The following GPR39 variants were observed in gnomAD, a reference collection of about 807,000 sequenced individuals.
GPR39 encodes zinc sensing receptor.
In GPR39, 23 loss-of-function variants were observed where a neutral mutation model predicts 18.4. That is an observed-to-expected ratio of 1.25 (90% CI 0.90 to 1.77). The LOEUF (loss-of-function observed/expected upper bound fraction) is 1.77, where lower values mean the gene tolerates loss of function less well. Ranked by LOEUF, GPR39 falls within the 40% of genes most tolerant of loss-of-function variation. GPR39 has a pLI of 0.00. For synonymous variants in GPR39, 280 were observed against 257.9 expected (o/e 1.09, Z -0.82); for missense variants, 647 against 602.4 (o/e 1.07, Z -0.78).
chr2:132,566,536 G>A (rs1215222597), intron 1 of GPR39, among the ~76,000 whole-genome samples: 2 of 152,192 alleles, frequency 1.3e-5, no homozygotes, highest in African/African-American at 4.8e-5. Context: ...CATCTCTCTA[G>A]GAGTTTTGTC....
intron 1 of GPR39, among the ~76,000 whole-genome samples, chr2:132,490,587 A>T (rs1347109819): frequency 6.6e-6 from 1 of 151,960 alleles, no homozygotes; most frequent in African/African-American, 2.4e-5. Context: ...GAGCATGCCG[A>T]TCGCTGGTGA....
At chr2:132,539,487 G>C (rs1002618167) in intron 1 of GPR39, among the ~76,000 whole-genome samples, 1 of 152,196 alleles carries the variant, frequency 6.6e-6, no homozygotes, top group Non-Finnish European at 1.5e-5. Context: ...CTGCTTAGCT[G>C]TTTCTATTTG....
intron 1 of GPR39, among the ~76,000 whole-genome samples, chr2:132,581,008 A>C (rs1035541670): frequency 1.1e-4 from 16 of 151,624 alleles, no homozygotes; most frequent in Non-Finnish European, 1.0e-4. Flanking sequence ...CAACAAAAAA[A>C]CTGCAACACT....
At chr2:132,585,948 GTTT>G (rs397985921) in intron 1 of GPR39, among the ~76,000 whole-genome samples, 13 of 62,950 alleles carry the variant, frequency 2.1e-4, no homozygotes, top group East Asian at 7.1e-4. Context: ...AGCATCCCCG[GTTT>G]TTTTTTTTTT....
rs187436410 is a variant in GPR39, at chr2:132,605,419, C to T, written c.857-39682C>T. ...TGCGGCCCATTAGTCTGCTCAGTGG[C>T]CTGGTGCTTCTTGGCAAAGCCCAAA... On this transcript the variant is annotated intron_variant, in intron 1 of 1. Transcript: ENST00000329321. Among the ~76,000 whole-genome samples the T allele has an allele frequency of 9.2e-5, 14 of 151,952 alleles. No homozygotes were observed. The East Asian group carries it at 2.5e-3, about 27-fold the overall frequency.
At chr2:132,595,335 G>A (rs1680919254) in intron 1 of GPR39, among the ~76,000 whole-genome samples, 3 of 151,520 alleles carry the variant, frequency 2.0e-5, no homozygotes. Flanking sequence ...CTGGCCAGGT[G>A]GGCGGTAATA....
Position 132,571,466 on chromosome 2 carries a change from C to G in GPR39, c.857-73635C>G, listed in dbSNP as rs552481048. 7.9e-5 allele frequency among the ~76,000 whole-genome samples: 12 copies of G among 152,300 alleles called. No individual in the cohort carries two copies. In the South Asian group the frequency reaches 2.5e-3, roughly 32 times the overall value. The stretch of plus-strand genomic sequence containing the variant: ...GAAAATCAGGGGTTAAAAAACCCAT[C>G]TCAAGGTCCTAGAATGAAGATCTTT... On this transcript the variant is annotated intron_variant, in intron 1 of 1. Transcript: ENST00000329321.
chr2:132,584,246 A>G (rs536664056), intron 1 of GPR39, among the ~76,000 whole-genome samples: 2 of 152,166 alleles, frequency 1.3e-5, no homozygotes, highest in African/African-American at 4.8e-5. Context: ...GAGTGCTGCA[A>G]TGAGTCCTGA....
At chr2:132,591,264 AAAAAAAAAAAAAAC>A (rs781505221) in intron 1 of GPR39, among the ~76,000 whole-genome samples, 11,330 of 140,160 alleles carry the variant, frequency 0.081, 767 homozygotes, top group African/African-American at 0.17. Flanking sequence ...TCTCAAAAAA[AAAAAAAAAAAAAAC>A]AAAAAAAAAC....
At chr2:132,568,090 T>TA (rs1346315737) in intron 1 of GPR39, among the ~76,000 whole-genome samples, 1 of 152,068 alleles carries the variant, frequency 6.6e-6, no homozygotes, top group African/African-American at 2.4e-5. Flanking sequence ...AGAGTTCCCA[T>TA]ATGATTAAAA....
chr2:132,645,999 G>T lies in GPR39; in HGVS notation c.*393G>T, dbSNP rs376468874. 2.1e-6 allele frequency: 3 copies of T among 1,418,136 alleles called. No homozygotes were observed. In the African/African-American group the frequency reaches 4.3e-5, roughly 21 times the overall value. The allele number at this position is 1,418,136 out of a possible 1,614,324, so 87.8% of individuals were successfully genotyped here. On this transcript the variant is annotated 3_prime_UTR_variant, in exon 2 of 2. Transcript: ENST00000329321. Reference sequence around the variant, plus strand: ...CTCAGGGAGGTGGGGGGTTGGGGGCGAGGGCTGGAAGAACAATGCAGGAGG... The same window carrying T: ...CTCAGGGAGGTGGGGGGTTGGGGGCTAGGGCTGGAAGAACAATGCAGGAGG...
rs533905888 is a variant in GPR39, at chr2:132,478,179, C to T, written c.856+60281C>T. Among the ~76,000 whole-genome samples, 10 of 152,284 alleles carry T rather than the reference C, an allele frequency of 6.6e-5. No homozygotes were observed. The South Asian group carries it at 2.1e-3, about 32-fold the overall frequency. On this transcript the variant is annotated intron_variant, in intron 1 of 1. Coordinates refer to ENST00000329321, the MANE Select transcript of GPR39 (RefSeq NM_001508.3). The stretch of plus-strand genomic sequence containing the variant: ...TGAACACTGACTGCGTTTCCACAGG[C>T]AGCAAAGAAAAAGTCTGAAACATTT...
intron 1 of GPR39, among the ~76,000 whole-genome samples, chr2:132,460,680 A>G (rs369200009): frequency 1.1e-4 from 16 of 152,256 alleles, no homozygotes; most frequent in African/African-American, 3.4e-4. Context: ...TTAAAACATG[A>G]TGGATTTGAA....
At chr2:132,586,357 G>T (rs540156922) in intron 1 of GPR39, among the ~76,000 whole-genome samples, 85 of 152,268 alleles carry the variant, frequency 5.6e-4, no homozygotes, top group African/African-American at 2.0e-3. Flanking sequence ...TTGTAAAACG[G>T]TCTGGTGACA....
Position 132,488,040 on chromosome 2 carries a change from A to T in GPR39, c.856+70142A>T, listed in dbSNP as rs532650489. On this transcript the variant is annotated intron_variant, in intron 1 of 1. Coordinates refer to ENST00000329321, the MANE Select transcript of GPR39 (RefSeq NM_001508.3). Reference sequence around the variant, plus strand: ...GAAAAACAGTGTATATAGCTTTCAAAGAAAACAGCCCATTTTTAGGTCCTA... The same window carrying T: ...GAAAAACAGTGTATATAGCTTTCAATGAAAACAGCCCATTTTTAGGTCCTA... Among the ~76,000 whole-genome samples, 23 of 152,360 alleles carry T rather than the reference A, an allele frequency of 1.5e-4. No individual in the cohort carries two copies. In the South Asian group the frequency reaches 4.8e-3, roughly 32 times the overall value.
At chr2:132,438,260 G>A (rs1475152547) in intron 1 of GPR39, among the ~76,000 whole-genome samples, 1 of 152,228 alleles carries the variant, frequency 6.6e-6, no homozygotes, top group Non-Finnish European at 1.5e-5. Context: ...TCCAATAGGA[G>A]GATCCTGAGT....
chr2:132,621,219 C>A (rs1029590397), intron 1 of GPR39, among the ~76,000 whole-genome samples: 4 of 152,172 alleles, frequency 2.6e-5, no homozygotes, highest in Non-Finnish European at 4.4e-5. Flanking sequence ...CAAGTTCCTG[C>A]CTCATATCTG....
chr2:132,438,083 C>T (rs1158889727), intron 1 of GPR39, among the ~76,000 whole-genome samples: 1 of 152,206 alleles, frequency 6.6e-6, no homozygotes, highest in Non-Finnish European at 1.5e-5. Context: ...CGGAGTGTTG[C>T]AGCAATCCTG....
chr2:132,455,919 T>G (rs370223404), intron 1 of GPR39, among the ~76,000 whole-genome samples: 9 of 152,322 alleles, frequency 5.9e-5, no homozygotes, highest in East Asian at 3.9e-4. Flanking sequence ...AGTTTTAGGA[T>G]AAGTGTGATG....
Sources: gnomAD v4.1 joint callset for allele counts (sites outside exome capture counted in the v4.1 genomes callset) on GRCh38, gnomAD v4.1.1 for gene constraint, MANE v1.5 for transcripts, NCBI Gene and HGNC (gene_info 2026-07-23, HGNC 2026-07-21) for gene names.